Variants in MMP1 observed in about 807,000 individuals in gnomAD.
The protein encoded by MMP1 is interstitial collagenase.
A neutral mutation model predicts 49.6 loss-of-function variants in MMP1; 51 were observed. The ratio of observed to expected loss-of-function variants is 1.03; its 90% CI spans 0.82 to 1.30. The LOEUF (loss-of-function observed/expected upper bound fraction) is 1.30, where lower values mean the gene tolerates loss of function less well. Among genes scored for constraint, MMP1 ranks in the 50% most tolerant of loss-of-function variants. MMP1 has a pLI of 0.00. For synonymous variants in MMP1, 230 were observed against 196.8 expected (o/e 1.17, Z -1.41); for missense variants, 623 against 568.7 (o/e 1.10, Z -0.97).
intron 4 of MMP1, among the ~76,000 whole-genome samples, chr11:102,795,893 T>C (rs1037665558): frequency 2.0e-5 from 3 of 152,240 alleles, no homozygotes; most frequent in African/African-American, 7.2e-5. Context: ...AATGATTAAA[T>C]GACACGTACT....
chr11:102,790,765 T>G lies in MMP1; in HGVS notation c.1238A>C (p.Lys413Thr). 1 of 1,613,568 alleles carries G rather than the reference T, an allele frequency of 6.2e-7. No individual in the cohort carries two copies. The highest frequency in any genetic ancestry group is 1.1e-5 in the South Asian group (1 of 91,058). The change falls in exon 9 of 10, where the codon AAA becomes ACA. Residue 413 changes from lysine (K) to threonine (T), a missense_variant. Lys to Thr is a moderately conservative substitution (Grantham distance 78). Transcript: ENST00000315274. ...TCCAGGAAAGTCATGTGCTATCATTTTGGGATAACCTGGATCCATAGATCG... is the reference window on the plus strand; with the variant it reads ...TCCAGGAAAGTCATGTGCTATCATTGTGGGATAACCTGGATCCATAGATCG... ...YKRSMDPGYP[K>T]MIAHDFPGIG...
chr11:102,791,281 C>A, intron 8 of MMP1, 52 bp downstream of exon 8: 3 of 1,603,504 alleles, frequency 1.9e-6, no homozygotes, highest in South Asian at 1.1e-5. Flanking sequence ...TATTCTAGAA[C>A]TTTTTATGTA....
At position 102,798,014 on chromosome 11, in the gene MMP1, G is replaced by A. The variant is rs758228668; in HGVS notation, c.79C>T (p.Gln27Ter). 1.5e-5 allele frequency: 24 copies of A among 1,613,434 alleles called. No homozygotes were observed. Among genetic ancestry groups the A allele is most frequent in the Admixed American group, 1.2e-4 (7 of 59,964 alleles). Reference protein sequence around the residue: ...SHSFPATLETQEQDVDLVQKY... With the variant: ...SHSFPATLET ...TGGACTAAGTCCACATCTTGCTCTT[G>A]TGTTTCTAGAGTCGCTGGGAAGCTG... The change falls in exon 1 of 10, where the codon CAA becomes TAA. Residue 27 changes from glutamine to a stop codon, truncating the protein, a stop_gained. Coordinates refer to ENST00000315274, the MANE Select transcript of MMP1 (RefSeq NM_002421.4). LOFTEE classifies it high-confidence loss of function.
chr11:102,790,607 G>A lies in MMP1; in HGVS notation c.1301-86C>T, dbSNP rs551852746. On this transcript the variant is annotated intron_variant, in intron 9 of 9. Coordinates refer to ENST00000315274, the MANE Select transcript of MMP1 (RefSeq NM_002421.4). ...ATTCTTGAGAAACCAATTCATCTGT[G>A]AGCACAGATATTTTTGGCATTTGCT... 247 of 1,312,008 alleles carry A rather than the reference G, an allele frequency of 1.9e-4. 2 individuals are homozygous for A. The South Asian group carries it at 2.8e-3, about 15-fold the overall frequency. The allele number at this position is 1,312,008 out of a possible 1,614,324, so 81.3% of individuals were successfully genotyped here. A position where few individuals can be genotyped will look rare whatever the true frequency, so the allele number is the denominator to read the frequency against.
rs1235176768 is a variant in MMP1, at chr11:102,796,823, G to A, written c.500-34C>T. On this transcript the variant is annotated intron_variant, in intron 3 of 9. Transcript: ENST00000315274. Reference sequence around the variant, plus strand: ...AACAATTCAACAAAGATTCCTTGTGGTTCTTATGTAAGCTAAGCCAGAAGG... The same window carrying A: ...AACAATTCAACAAAGATTCCTTGTGATTCTTATGTAAGCTAAGCCAGAAGG... 3 of 1,606,448 alleles carry A rather than the reference G, an allele frequency of 1.9e-6. No homozygotes were observed. The African/African-American group carries it at 4.0e-5, about 22-fold the overall frequency.
intron 4 of MMP1, 34 bp downstream of exon 4, chr11:102,796,630 G>A: frequency 6.2e-7 from 1 of 1,604,720 alleles, no homozygotes; most frequent in Non-Finnish European, 8.5e-7. Context: ...TGAAGGGGTG[G>A]GAGAATTGAG....
At position 102,790,374 on chromosome 11, in the gene MMP1, G is replaced by A. The variant is rs1288994721; in HGVS notation, c.*38C>T. On this transcript the variant is annotated 3_prime_UTR_variant, in exon 10 of 10. Transcript: ENST00000315274. ...GTTCTTCAGGAAAACACCTTCTTTGGACTCACACCATGTGTTTTCCATTCA... is the reference window on the plus strand; with the variant it reads ...GTTCTTCAGGAAAACACCTTCTTTGAACTCACACCATGTGTTTTCCATTCA... 4.8e-6 allele frequency: 6 copies of A among 1,253,762 alleles called. No individual in the cohort carries two copies. The highest frequency in any genetic ancestry group is 6.9e-6 in the Non-Finnish European group (6 of 867,752). The allele number at this position is 1,253,762 out of a possible 1,614,324, so 77.7% of individuals were successfully genotyped here.
At chr11:102,792,783 A>C (rs764946586) in intron 6 of MMP1, 45 bp from the exon 7 acceptor site, 1 of 1,573,064 alleles carries the variant, frequency 6.4e-7, no homozygotes, top group Non-Finnish European at 8.7e-7. Flanking sequence ...AATTTCTGGT[A>C]ATCTCTGGCA....
At position 102,790,323 on chromosome 11, in the gene MMP1, G is replaced by A; in HGVS notation, c.*89C>T. Reference sequence around the variant, plus strand: ...ATTCTGTGTATCAGTGACTCTAGAGGTTAAAAATGACTGAGAAAATAGACA... The same window carrying A: ...ATTCTGTGTATCAGTGACTCTAGAGATTAAAAATGACTGAGAAAATAGACA... On this transcript the variant is annotated 3_prime_UTR_variant, in exon 10 of 10. Coordinates refer to ENST00000315274, the MANE Select transcript of MMP1 (RefSeq NM_002421.4). The A allele has an allele frequency of 1.4e-6, 1 of 733,310 alleles. No homozygotes were observed. The highest frequency in any genetic ancestry group is 2.3e-6 in the Non-Finnish European group (1 of 435,076). The allele number at this position is 733,310 out of a possible 1,614,324, so 45.4% of individuals were successfully genotyped here.
Position 102,797,434 on chromosome 11 carries a change from C to T in MMP1, c.172G>A (p.Gly58Ser). ...TGCTTCAATTTTTCAACCACTGGGC[C>T]ACTATTTCTCCGCTTTTCAACTTGC... ...GRQVEKRRNSGPVVEKLKQMQ... is the reference protein window; with the variant it reads ...GRQVEKRRNSSPVVEKLKQMQ... Residue 58 changes from glycine (G) to serine (S), a missense_variant, in exon 2 of 10, where the codon GGC becomes AGC. By Grantham distance (56) the Gly-to-Ser change is moderately conservative (BLOSUM62 0). Coordinates refer to ENST00000315274, the MANE Select transcript of MMP1 (RefSeq NM_002421.4). 1.2e-6 allele frequency: 2 copies of T among 1,614,184 alleles called. No homozygotes were observed. Among genetic ancestry groups the T allele is most frequent in the South Asian group, 1.1e-5 (1 of 91,080 alleles).
Position 102,798,045 on chromosome 11 carries a change from C to T in MMP1, c.48G>A (p.Val16=). ...PLLLLLFWGV[V]SHSFPATLET... Reference sequence around the variant, plus strand: ...CTAGAGTCGCTGGGAAGCTGTGAGACACCACACCCCAGAACAGCAGCAGCA... The same window carrying T: ...CTAGAGTCGCTGGGAAGCTGTGAGATACCACACCCCAGAACAGCAGCAGCA... The change falls in exon 1 of 10, where the codon GTG becomes GTA. Residue 16 remains valine (V), a synonymous_variant. Coordinates refer to ENST00000315274, the MANE Select transcript of MMP1 (RefSeq NM_002421.4). 1 of 1,613,442 alleles carries T rather than the reference C, an allele frequency of 6.2e-7. No homozygotes were observed. The highest frequency in any genetic ancestry group is 1.7e-4 in the Middle Eastern group (1 of 6,042).
In MMP1 at chr11:102,797,875, A is replaced by C. The variant is rs78362801; in HGVS notation, c.105+113T>G. 4 of 559,334 alleles carry C rather than the reference A, an allele frequency of 7.2e-6. No individual in the cohort carries two copies. The African/African-American group carries it at 8.0e-5, about 11-fold the overall frequency. The allele number at this position is 559,334 out of a possible 1,614,324, so 34.6% of individuals were successfully genotyped here. A position where few individuals can be genotyped will look rare whatever the true frequency, so the allele number is the denominator to read the frequency against. ...GGGTGGAGGGTGCTGTTTCTAGCAA[A>C]AAAAAAAAAAATCTCTTTATAAGAA... On this transcript the variant is annotated intron_variant, in intron 1 of 9. Transcript: ENST00000315274.
chr11:102,792,223 G>A (rs936444197), intron 7 of MMP1, among the ~76,000 whole-genome samples: 4 of 152,180 alleles, frequency 2.6e-5, no homozygotes, highest in Admixed American at 6.5e-5. Context: ...TGAGTCAAAT[G>A]TCTTACTCAT....
Position 102,795,567 on chromosome 11 carries a change from A to G in MMP1, c.666T>C (p.His222=). ...CAGTAGAATGGGAGAGTCCAAGAGA[A>G]TGGCCGAGTTCATGAGCTGCAACAC... ...LHRVAAHELG[H]SLGLSHSTDI... The change falls in exon 5 of 10, where the codon CAT becomes CAC. Residue 222 remains histidine (H), a synonymous_variant. Transcript: ENST00000315274. 6.2e-7 allele frequency: 1 copy of G among 1,613,804 alleles called. No homozygotes were observed. The highest frequency in any genetic ancestry group is 8.5e-7 in the Non-Finnish European group (1 of 1,179,936).
In MMP1 at chr11:102,790,694, T is replaced by C. The variant is rs17883832; in HGVS notation, c.1300+9A>G. 0.019 allele frequency: 29,689 copies of C among 1,579,816 alleles called. 358 individuals carry two copies. Among genetic ancestry groups the C allele is most frequent in the South Asian group, 0.028 (2,553 of 90,242 alleles). The stretch of plus-strand genomic sequence containing the variant: ...ATGAAATGGAGGAAATACATGTATA[T>C]TCACTTACCATCTTTCATGAAAACT... On this transcript the variant is annotated intron_variant, in intron 9 of 9. Coordinates refer to ENST00000315274, the MANE Select transcript of MMP1 (RefSeq NM_002421.4).
At chr11:102,797,654 G>A (rs1252477992) in intron 1 of MMP1, among the ~76,000 whole-genome samples, 154 bp from the exon 2 acceptor site, 1 of 152,150 alleles carries the variant, frequency 6.6e-6, no homozygotes, top group East Asian at 1.9e-4. Flanking sequence ...GGTGAGAAAT[G>A]AAATTTCAGA....
At position 102,795,520 on chromosome 11, in the gene MMP1, G is replaced by T. The variant is rs1202404331; in HGVS notation, c.713C>A (p.Pro238His). 6.2e-7 allele frequency: 1 copy of T among 1,614,092 alleles called. No homozygotes were observed. The highest frequency in any genetic ancestry group is 8.5e-7 in the Non-Finnish European group (1 of 1,180,014). ...AACATCACCACTGAAGGTGTAGCTA[G>T]GGTACATCAAAGCCCCGATATCAGT... ...HSTDIGALMY[P>H]SYTFSGDVQL... The change falls in exon 5 of 10, where the codon CCT (proline) becomes CAT (histidine). Residue 238 changes from proline (P) to histidine (H), a missense_variant. Transcript: ENST00000315274.
intron 8 of MMP1, 26 bp from the exon 9 acceptor site, chr11:102,790,832 C>A (rs1006603323): frequency 3.0e-6 from 4 of 1,339,672 alleles, no homozygotes; most frequent in South Asian, 1.2e-5. Flanking sequence ...TTAAGAGTGT[C>A]AGACCTTTTG....
chr11:102,790,220 A>T lies in MMP1; in HGVS notation c.*192T>A. The T allele has an allele frequency of 2.4e-6, 1 of 413,720 alleles. No homozygotes were observed. Among genetic ancestry groups the T allele is most frequent in the Non-Finnish European group, 4.3e-6 (1 of 232,662 alleles). 25.6% of individuals were successfully genotyped at this position (413,720 alleles called of 1,614,324 possible). A position where few individuals can be genotyped will look rare whatever the true frequency, so the allele number is the denominator to read the frequency against. ...ACTTTTTGTACCCACCATTTGTGGA[A>T]CTAAATTATATCAGTACAAAAAGGG... On this transcript the variant is annotated 3_prime_UTR_variant, in exon 10 of 10. Coordinates refer to ENST00000315274, the MANE Select transcript of MMP1 (RefSeq NM_002421.4).
Sources: gnomAD v4.1 joint callset for allele counts (sites outside exome capture counted in the v4.1 genomes callset) on GRCh38, gnomAD v4.1.1 for gene constraint, MANE v1.5 for transcripts, NCBI Gene and HGNC (gene_info 2026-07-23, HGNC 2026-07-21) for gene names.